The following VAV1 variants were observed in gnomAD, a reference collection of about 807,000 sequenced individuals.
VAV1 encodes the protein vav guanine nucleotide exchange factor 1, also known as proto-oncogene vav.
A neutral mutation model predicts 128.1 loss-of-function variants in VAV1; 33 were observed. The ratio of observed to expected loss-of-function variants is 0.26; its 90% CI spans 0.20 to 0.34. The LOEUF is 0.34. VAV1 is among the 10% of genes least tolerant of loss of function. The pLI is 1.00. For missense variants in VAV1, 715 were observed against 1,093.7 expected (o/e 0.65, Z 4.88); for synonymous variants, 394 against 409.8 (o/e 0.96, Z 0.47).
At chr19:6,799,984 G>A (rs933175952) in intron 1 of VAV1, among the ~76,000 whole-genome samples, 9 of 151,760 alleles carry the variant, frequency 5.9e-5, no homozygotes, top group Non-Finnish European at 1.5e-5. Context: ...CGTATGATAG[G>A]TGCATGCTTA....
intron 1 of VAV1, among the ~76,000 whole-genome samples, chr19:6,773,510 T>C (rs1441820812): frequency 6.6e-6 from 1 of 152,082 alleles, no homozygotes; most frequent in Non-Finnish European, 1.5e-5. Context: ...TTCCTTCCCC[T>C]TGGCTTCCTG....
At chr19:6,792,000 T>A (rs1045294886) in intron 1 of VAV1, among the ~76,000 whole-genome samples, 6 of 151,120 alleles carry the variant, frequency 4.0e-5, no homozygotes, top group African/African-American at 1.5e-4. Flanking sequence ...TGGGGATGTG[T>A]GTGGAACTTA....
chr19:6,782,128 A>G (rs1970777972), intron 1 of VAV1, among the ~76,000 whole-genome samples: 1 of 152,020 alleles, frequency 6.6e-6, no homozygotes, highest in African/African-American at 2.4e-5. Context: ...TCAGGAGTTC[A>G]AGACCAGCCT....
intron 9 of VAV1, among the ~76,000 whole-genome samples, chr19:6,827,318 A>C (rs1178833480): frequency 6.6e-6 from 1 of 151,890 alleles, no homozygotes; most frequent in African/African-American, 2.4e-5. Flanking sequence ...CCCAAGCTGG[A>C]GTGTAGTGGC....
chr19:6,850,734 A>C lies in VAV1; in HGVS notation c.2194A>C (p.Lys732Gln), dbSNP rs1568319356. The C allele has an allele frequency of 6.2e-7, 1 of 1,613,564 alleles. No individual in the cohort carries two copies. The highest frequency in any genetic ancestry group is 8.5e-7 in the Non-Finnish European group (1 of 1,179,756). The change falls in exon 24 of 27, where the codon AAA (lysine) becomes CAA (glutamine). Residue 732 changes from lysine to glutamine, a missense_variant. Lys to Gln is a moderately conservative substitution (Grantham distance 53). Transcript: ENST00000602142. ...AGAAGGACTGTACCGGATCACAGAG[A>C]AAAAGGCTTTCCGGGGGCTTACGGT... The part of the protein sequence containing the change: ...TAEGLYRITE[K>Q]KAFRGLTELV...
At chr19:6,821,465 G>A (rs1223056491) in intron 2 of VAV1, among the ~76,000 whole-genome samples, 157 bp from the exon 3 acceptor site, 1 of 152,172 alleles carries the variant, frequency 6.6e-6, no homozygotes, top group African/African-American at 2.4e-5. Context: ...TCATTTGAGA[G>A]AACGATGGTA....
intron 1 of VAV1, among the ~76,000 whole-genome samples, chr19:6,808,598 T>C (rs919441620): frequency 1.3e-5 from 2 of 152,212 alleles, no homozygotes; most frequent in African/African-American, 4.8e-5. Flanking sequence ...TTGTCCTCAG[T>C]TTCCAAGAAT....
chr19:6,846,595 C>T (rs1972528382), intron 22 of VAV1, among the ~76,000 whole-genome samples: 1 of 149,148 alleles, frequency 6.7e-6, no homozygotes, highest in African/African-American at 2.4e-5. Context: ...TTATGTATTA[C>T]ATATAATTAG....
intron 1 of VAV1, among the ~76,000 whole-genome samples, chr19:6,800,792 T>TTTTTTTGTGTG (rs1555699757): frequency 2.0e-5 from 3 of 147,612 alleles, no homozygotes; most frequent in African/African-American, 7.4e-5. Flanking sequence ...TGGCAAATTT[T>TTTTTTTGTGTG]TGTGTGTGTG....
intron 1 of VAV1, among the ~76,000 whole-genome samples, chr19:6,814,999 T>C (rs915181552): frequency 2.6e-5 from 4 of 152,012 alleles, no homozygotes; most frequent in Non-Finnish European, 5.9e-5. Flanking sequence ...TGCTACCGCA[T>C]CTTTCATGTG....
At chr19:6,798,473 TAATAAATA>T (rs372820509) in intron 1 of VAV1, among the ~76,000 whole-genome samples, 81 of 151,400 alleles carry the variant, frequency 5.4e-4, no homozygotes, top group African/African-American at 1.9e-3. Flanking sequence ...CTCTAATAAA[TAATAAATA>T]AATAAATAAA....
chr19:6,836,955 T>G (rs764058907), intron 20 of VAV1, 30 bp from the exon 21 acceptor site: 1 of 1,612,656 alleles, frequency 6.2e-7, no homozygotes, highest in Non-Finnish European at 8.5e-7. Flanking sequence ...ATAACCTCTC[T>G]GTTCCTGTTT....
In VAV1 at chr19:6,826,666, G is replaced by C. The variant is rs1181935829; in HGVS notation, c.882G>C (p.Leu294=). 6.4e-7 allele frequency: 1 copy of C among 1,561,754 alleles called. No individual in the cohort carries two copies. The highest frequency in any genetic ancestry group is 1.4e-5 in the African/African-American group (1 of 73,664). The change falls in exon 9 of 27, where the codon CTG becomes CTC. Residue 294 remains leucine (L), a synonymous_variant. Transcript: ENST00000602142. The surrounding 1 kb of genome is among the most constrained non-coding windows in gnomAD (Gnocchi z 4.1). ...CSQVESASKH[L]DRVAAAREDV... The stretch of plus-strand genomic sequence containing the variant: ...AGGTGGAGTCAGCCAGCAAACACCT[G>C]GACCGTGTGGCCGCAGCCCGGGAGG...
At chr19:6,847,541 T>C (rs1245140466) in intron 22 of VAV1, among the ~76,000 whole-genome samples, 1 of 152,198 alleles carries the variant, frequency 6.6e-6, no homozygotes, top group Non-Finnish European at 1.5e-5. Context: ...AATATTGTAT[T>C]AGAATACTGT....
intron 22 of VAV1, 92 bp downstream of exon 22, chr19:6,843,258 A>T: frequency 2.1e-6 from 3 of 1,430,102 alleles, no homozygotes; most frequent in Non-Finnish European, 2.0e-6. Context: ...CCAATTAGTT[A>T]TGCATTCTGT....
chr19:6,793,665 G>T (rs1054123383), intron 1 of VAV1, among the ~76,000 whole-genome samples: 5 of 152,156 alleles, frequency 3.3e-5, no homozygotes, highest in Non-Finnish European at 7.3e-5. Context: ...CATCAAGTTT[G>T]CTTTGATATG....
At chr19:6,833,133 G>T (rs367973362) in intron 15 of VAV1, 51 bp from the exon 16 acceptor site, 3 of 1,495,606 alleles carry the variant, frequency 2.0e-6, no homozygotes, top group Admixed American at 4.0e-5. Context: ...CCATAAAAAG[G>T]AATAAAATAC....
intron 1 of VAV1, among the ~76,000 whole-genome samples, chr19:6,814,449 TA>T: frequency 6.6e-6 from 1 of 152,260 alleles, no homozygotes; most frequent in Middle Eastern, 3.4e-3. Context: ...ATTTTTTTTT[TA>T]ATTTGTGAGT....
At chr19:6,807,108 C>T (rs767644709) in intron 1 of VAV1, among the ~76,000 whole-genome samples, 5 of 152,130 alleles carry the variant, frequency 3.3e-5, no homozygotes, top group African/African-American at 7.2e-5. Flanking sequence ...TAGCAGTGAC[C>T]GGTTTTGTGG....
Sources: allele counts gnomAD v4.1 joint callset (sites outside exome capture counted in the v4.1 genomes callset), GRCh38; gene constraint gnomAD v4.1.1; non-coding constraint Gnocchi (gnomAD v3.1); transcripts MANE v1.5; gene names NCBI Gene and HGNC (gene_info 2026-07-23, HGNC 2026-07-21).